SLC14A2: variants seen among roughly 807,000 people sequenced by gnomAD.
SLC14A2 encodes the protein solute carrier family 14 member 2.
Under a neutral mutation model 104.6 loss-of-function variants are expected in SLC14A2, and 91 were observed. That is an observed-to-expected ratio of 0.87 (90% CI 0.73 to 1.04). The LOEUF is 1.04. Ranked by LOEUF, SLC14A2 falls within the 50% of genes least tolerant of loss-of-function variation. The pLI is 0.00. For missense variants in SLC14A2, 1,189 were observed against 1,156.0 expected, an observed-to-expected ratio of 1.03 and a Z score of -0.41; for synonymous variants, 476 against 466.4, an observed-to-expected ratio of 1.02 and a Z score of -0.27.
At chr18:45,501,297 C>T (rs2043195387) in intron 2 of SLC14A2, among the ~76,000 whole-genome samples, 2 of 152,128 alleles carry the variant, frequency 1.3e-5, no homozygotes, top group African/African-American at 2.4e-5. Flanking sequence ...ATCAACACTC[C>T]CCTTATAAGG....
chr18:45,353,167 C>T (rs902578844), intron 1 of SLC14A2, among the ~76,000 whole-genome samples: 5 of 152,254 alleles, frequency 3.3e-5, no homozygotes, highest in Middle Eastern at 3.4e-3. Context: ...GCTAGGTTAC[C>T]GTTCGTCCAC....
intron 1 of SLC14A2, among the ~76,000 whole-genome samples, chr18:45,400,577 T>C (rs1472720797): frequency 6.6e-6 from 1 of 152,194 alleles, no homozygotes; most frequent in African/African-American, 2.4e-5. Context: ...TACTAAATAT[T>C]TTCTGTGGAG....
intron 1 of SLC14A2, among the ~76,000 whole-genome samples, chr18:45,379,818 G>C (rs1251815230): frequency 6.6e-6 from 1 of 152,198 alleles, no homozygotes; most frequent in South Asian, 2.1e-4. Flanking sequence ...TGACCAAAAA[G>C]AATGTCATGC....
intron 15 of SLC14A2, 47 bp from the exon 16 acceptor site, chr18:45,669,259 T>C (rs1285992230): frequency 2.0e-6 from 3 of 1,522,624 alleles, no homozygotes; most frequent in South Asian, 1.2e-5. Context: ...TCTAGTGTTA[T>C]GACCAGGCGG....
At chr18:45,502,916 G>GTT (rs1305401201) in intron 2 of SLC14A2, among the ~76,000 whole-genome samples, 26 of 143,392 alleles carry the variant, frequency 1.8e-4, no homozygotes, top group African/African-American at 6.1e-4. Flanking sequence ...CCTATTTCTG[G>GTT]TTTTTTTTTT....
At chr18:45,565,052 G>T (rs1241558730) in intron 2 of SLC14A2, among the ~76,000 whole-genome samples, 1 of 10,448 alleles carries the variant, frequency 9.6e-5, no homozygotes, top group East Asian at 3.3e-3. Context: ...TGGGTGATGT[G>T]TGTGTGTTCG....
intron 15 of SLC14A2, 58 bp downstream of exon 15, chr18:45,668,535 C>T: frequency 6.3e-7 from 1 of 1,591,194 alleles, no homozygotes. Flanking sequence ...CCTTTTCATC[C>T]CAATCCCATG....
At chr18:45,571,496 T>A (rs570256663) in intron 2 of SLC14A2, among the ~76,000 whole-genome samples, 1 of 152,372 alleles carries the variant, frequency 6.6e-6, no homozygotes, top group East Asian at 1.9e-4. Context: ...TACTGGTAGA[T>A]GCTTTGAGGC....
At chr18:45,284,341 G>A (rs975669264) in intron 1 of SLC14A2, among the ~76,000 whole-genome samples, 8 of 152,070 alleles carry the variant, frequency 5.3e-5, no homozygotes, top group Admixed American at 4.6e-4. Flanking sequence ...GACTTGGTTT[G>A]GCCAATGGGA....
At chr18:45,577,065 G>A (rs1198425649) in intron 2 of SLC14A2, among the ~76,000 whole-genome samples, 1 of 151,612 alleles carries the variant, frequency 6.6e-6, no homozygotes, top group East Asian at 1.9e-4. Flanking sequence ...TCTGGAGTGA[G>A]AGAACTCCAC....
chr18:45,265,627 A>T (rs1815993129), intron 1 of SLC14A2, among the ~76,000 whole-genome samples: 1 of 152,180 alleles, frequency 6.6e-6, no homozygotes, highest in Non-Finnish European at 1.5e-5. Flanking sequence ...CTGTCATATT[A>T]AGAGGGAGAG....
At chr18:45,616,923 C>G (rs1318750047) in intron 1 of SLC14A2, among the ~76,000 whole-genome samples, 3 of 152,076 alleles carry the variant, frequency 2.0e-5, no homozygotes, top group Non-Finnish European at 2.9e-5. Context: ...CATGATGAAA[C>G]CCCGTCTCTA....
At chr18:45,507,591 C>G (rs893753173) in intron 2 of SLC14A2, among the ~76,000 whole-genome samples, 1 of 152,190 alleles carries the variant, frequency 6.6e-6, no homozygotes, top group African/African-American at 2.4e-5. Context: ...ACTCTGTCCT[C>G]AGTGGGCATA....
chr18:45,177,206 G>C, the SLC14A2 span, among the ~76,000 whole-genome samples: 8 of 151,830 alleles, frequency 5.3e-5, no homozygotes, highest in Admixed American at 5.3e-4. Context: ...CAACTACCCT[G>C]GTAGAAGCTA....
At chr18:45,326,641 G>A (rs999211978) in intron 1 of SLC14A2, among the ~76,000 whole-genome samples, 2 of 152,190 alleles carry the variant, frequency 1.3e-5, no homozygotes, top group Non-Finnish European at 2.9e-5. Flanking sequence ...TTTTACTAGT[G>A]AGCAGGGTTA....
At chr18:45,479,114 G>T (rs2087444786) in intron 1 of SLC14A2, among the ~76,000 whole-genome samples, 2 of 152,134 alleles carry the variant, frequency 1.3e-5, no homozygotes, top group African/African-American at 4.8e-5. Context: ...CCTCAACAAA[G>T]GTGAGGTTTG....
intron 2 of SLC14A2, among the ~76,000 whole-genome samples, chr18:45,587,896 C>T (rs1568287730): frequency 6.6e-6 from 1 of 152,016 alleles, no homozygotes; most frequent in Non-Finnish European, 1.5e-5. Context: ...CATAGCCATC[C>T]TAGAAGTCAG....
At chr18:45,238,099 A>G (rs2084274317) in intron 1 of SLC14A2, among the ~76,000 whole-genome samples, 1 of 152,246 alleles carries the variant, frequency 6.6e-6, no homozygotes, top group South Asian at 2.1e-4. Context: ...GAGGAAACAA[A>G]AAAAGCTCAG....
At position 45,376,618 on chromosome 18, in the gene SLC14A2, G is replaced by A. The variant is rs374650554; in HGVS notation, c.-124-106615G>A. 1.1e-4 allele frequency among the ~76,000 whole-genome samples: 16 copies of A among 152,198 alleles called. No homozygotes were observed. The South Asian group carries it at 1.2e-3, about 12-fold the overall frequency. ...TGGTTCTAACTGTTGATGCGACAAC[G>A]GATCAGAGAAAAGAGAGATCACTGC... On this transcript the variant is annotated intron_variant, in intron 1 of 20. Coordinates refer to the SLC14A2 transcript ENST00000586448.
Sources: gnomAD v4.1 joint callset for allele counts (sites outside exome capture counted in the v4.1 genomes callset) on GRCh38, gnomAD v4.1.1 for gene constraint, MANE v1.5 for transcripts, NCBI Gene and HGNC (gene_info 2026-07-23, HGNC 2026-07-21) for gene names.